Variants in TACC2 observed in about 807,000 individuals in gnomAD.
TACC2 encodes transforming acidic coiled-coil containing protein 2, also known as transforming acidic coiled-coil-containing protein 2.
Under a neutral mutation model 227.3 loss-of-function variants are expected in TACC2, and 137 were observed. The observed-to-expected ratio is 0.60, with a 90% CI of 0.52 to 0.69. TACC2 has a LOEUF of 0.69. Ranked by LOEUF, TACC2 falls within the 30% of genes least tolerant of loss-of-function variation. The pLI is 0.00. For missense variants in TACC2, 3,470 were observed against 3,694.4 expected (o/e 0.94, Z 1.57); for synonymous variants, 1,523 against 1,487.5 (o/e 1.02, Z -0.55).
chr10:122,059,904 C>A (rs1383677807), intron 3 of TACC2, among the ~76,000 whole-genome samples: 3 of 152,166 alleles, frequency 2.0e-5, no homozygotes, highest in African/African-American at 7.2e-5. Context: ...ACCCCACTCC[C>A]ACTCACTGAA....
At chr10:122,118,513 G>A (rs937538504) in intron 5 of TACC2, among the ~76,000 whole-genome samples, 43 of 152,138 alleles carry the variant, frequency 2.8e-4, no homozygotes, top group Non-Finnish European at 5.6e-4. Flanking sequence ...ACAGATTTTC[G>A]TCAGTTCTTG....
rs1261805424 is a variant in TACC2 at position 122,085,782 on chromosome 10, G to C, written c.3282G>C (p.Pro1094=). Residue 1094 remains proline, a synonymous_variant, in exon 4 of 23, where the codon CCG becomes CCC. Transcript: ENST00000369005. ...AGGAAGGCAGGCAGCAACCAGTGCCGGCCCCGCAGCAGAAAATGGAGTGCT... is the reference window on the plus strand; with the variant it reads ...AGGAAGGCAGGCAGCAACCAGTGCCCGCCCCGCAGCAGAAAATGGAGTGCT... ...ETQEGRQQPV[P]APQQKMECWA... is the part of the protein sequence containing the mutation. The C allele has an allele frequency of 1.2e-6, 2 of 1,613,650 alleles. No homozygotes were observed. The highest frequency in any genetic ancestry group is 2.2e-5 in the East Asian group (1 of 44,864).
intron 2 of TACC2, among the ~76,000 whole-genome samples, chr10:122,044,280 C>A (rs562662230): frequency 6.6e-6 from 1 of 152,344 alleles, no homozygotes; most frequent in African/African-American, 2.4e-5. Flanking sequence ...GCTGAGGTGT[C>A]CTCTGCAACC....
At chr10:122,186,442 T>C (rs1276661979) in intron 7 of TACC2, among the ~76,000 whole-genome samples, 3 of 152,054 alleles carry the variant, frequency 2.0e-5, no homozygotes, top group African/African-American at 4.8e-5. Flanking sequence ...TACAGTGAGC[T>C]GTGACTGTGC....
intron 7 of TACC2, among the ~76,000 whole-genome samples, chr10:122,147,546 G>A (rs1383733722): frequency 2.0e-5 from 3 of 152,132 alleles, no homozygotes; most frequent in Non-Finnish European, 2.9e-5. Context: ...CTGTTAGGGT[G>A]GAACATCTAC....
chr10:122,122,472 A>AT (rs1215628918), intron 5 of TACC2, among the ~76,000 whole-genome samples: 1 of 147,848 alleles, frequency 6.8e-6, no homozygotes, highest in Non-Finnish European at 1.5e-5. Context: ...GTAACTAAGT[A>AT]TTTTTTTAAA....
At chr10:122,135,982 T>C (rs1413636739) in intron 6 of TACC2, among the ~76,000 whole-genome samples, 1 of 152,230 alleles carries the variant, frequency 6.6e-6, no homozygotes, top group African/African-American at 2.4e-5. Flanking sequence ...AAAGTTGTGC[T>C]TTAGAGAAGC....
chr10:122,001,325 G>A (rs1954299959), intron 1 of TACC2, among the ~76,000 whole-genome samples: 1 of 152,208 alleles, frequency 6.6e-6, no homozygotes. Flanking sequence ...TGAGGAGCAA[G>A]GTTATGTCTT....
chr10:122,084,891 C>A lies in TACC2; in HGVS notation c.2391C>A (p.Ile797=), dbSNP rs768782999. ...LAADLGLTAL[I]LDQDQQGIPS... Reference sequence around the variant, plus strand: ...CAGACCTGGGGCTCACGGCACTCATCCTGGACCAAGATCAGCAGGGAATCC... The same window carrying A: ...CAGACCTGGGGCTCACGGCACTCATACTGGACCAAGATCAGCAGGGAATCC... Residue 797 remains isoleucine (I), a synonymous_variant, in exon 4 of 23, where the codon ATC becomes ATA. Coordinates refer to ENST00000369005, the MANE Select transcript of TACC2 (RefSeq NM_206862.4). 1.9e-6 allele frequency: 3 copies of A among 1,614,054 alleles called. No individual in the cohort carries two copies. Among genetic ancestry groups the A allele is most frequent in the Non-Finnish European group, 2.5e-6 (3 of 1,180,016 alleles).
chr10:122,142,669 G>A (rs373981730), intron 6 of TACC2, among the ~76,000 whole-genome samples: 44 of 152,316 alleles, frequency 2.9e-4, no homozygotes, highest in South Asian at 1.9e-3. Flanking sequence ...GGGCTGTGAC[G>A]CCACAAACCC....
intron 1 of TACC2, among the ~76,000 whole-genome samples, chr10:122,014,259 G>T (rs893961419): frequency 6.6e-6 from 1 of 151,618 alleles, no homozygotes; most frequent in East Asian, 1.9e-4. Context: ...CTCCAGGCTG[G>T]AGTGCAATGG....
chr10:122,237,410 C>G lies in TACC2; in HGVS notation c.8143C>G (p.Pro2715Ala), dbSNP rs2095877949. 6.2e-7 allele frequency: 1 copy of G among 1,612,172 alleles called. No individual in the cohort carries two copies. The highest frequency in any genetic ancestry group is 1.7e-5 in the Admixed American group (1 of 59,812). ...GATTCCACAGAGAGAGGCTGCTCACCCAACAGACGTCTCCATCTCCAAAAC... is the reference window on the plus strand; with the variant it reads ...GATTCCACAGAGAGAGGCTGCTCACGCAACAGACGTCTCCATCTCCAAAAC... ...HQDAKREAAH[P>A]TDVSISKTAL... Residue 2715 changes from proline to alanine, a missense_variant, in exon 17 of 23, where the codon CCA becomes GCA. Pro to Ala is a conservative substitution (Grantham distance 27). Transcript: ENST00000369005.
intron 1 of TACC2, among the ~76,000 whole-genome samples, chr10:122,000,815 GTTTT>G (rs1178363554): frequency 6.6e-6 from 1 of 151,822 alleles, no homozygotes; most frequent in African/African-American, 2.4e-5. Flanking sequence ...TTTTGTTGTT[GTTTT>G]GTTTGTTTGT....
intron 5 of TACC2, among the ~76,000 whole-genome samples, chr10:122,112,782 A>G (rs1324038975): frequency 2.6e-5 from 4 of 152,218 alleles, no homozygotes; most frequent in East Asian, 1.9e-4. Flanking sequence ...CAGCGCCTCC[A>G]GGAGCAGCGG....
At chr10:122,237,672 T>C in intron 17 of TACC2, 134 bp downstream of exon 17, 4 of 1,164,904 alleles carry the variant, frequency 3.4e-6, no homozygotes, top group East Asian at 2.5e-5. Context: ...TGGCACACCA[T>C]GCGTTTTGAT....
At chr10:122,118,543 G>A (rs1026047671) in intron 5 of TACC2, among the ~76,000 whole-genome samples, 2 of 152,150 alleles carry the variant, frequency 1.3e-5, no homozygotes, top group African/African-American at 2.4e-5. Flanking sequence ...TTAATGAATC[G>A]TCTCCTCTCT....
intron 1 of TACC2, among the ~76,000 whole-genome samples, chr10:122,016,190 A>G (rs1378113049): frequency 3.3e-5 from 5 of 149,844 alleles, no homozygotes; most frequent in Non-Finnish European, 7.4e-5. Flanking sequence ...TGAGCCCGGA[A>G]GATCAAGTCT....
In TACC2 at chr10:122,086,779, C is replaced by G; in HGVS notation, c.4279C>G (p.Pro1427Ala). The G allele has an allele frequency of 6.2e-7, 1 of 1,614,000 alleles. No individual in the cohort carries two copies. Among genetic ancestry groups the G allele is most frequent in the South Asian group, 1.1e-5 (1 of 91,082 alleles). ...EKPVLGALAT[P>A]GEKAGAGRSA... ...GCCTGTGCTCGGAGCCCTGGCCACA[C>G]CTGGAGAAAAGGCAGGAGCTGGGAG... Residue 1427 changes from proline to alanine, a missense_variant, in exon 4 of 23, where the codon CCT becomes GCT. Pro to Ala is a conservative substitution (Grantham distance 27, BLOSUM62 -1). Coordinates refer to ENST00000369005, the MANE Select transcript of TACC2 (RefSeq NM_206862.4).
intron 18 of TACC2, among the ~76,000 whole-genome samples, 164 bp downstream of exon 18, chr10:122,238,201 T>C: frequency 6.6e-6 from 1 of 152,204 alleles, no homozygotes; most frequent in South Asian, 2.1e-4. Flanking sequence ...ACTCTATTAC[T>C]ATTACTAAAA....
Sources: gnomAD v4.1 joint callset for allele counts (sites outside exome capture counted in the v4.1 genomes callset) on GRCh38, gnomAD v4.1.1 for gene constraint, MANE v1.5 for transcripts, NCBI Gene and HGNC (gene_info 2026-07-23, HGNC 2026-07-21) for gene names.